Variants in C2orf76 observed in about 807,000 individuals in gnomAD.
C2orf76 encodes the protein chromosome 2 open reading frame 76.
Under a neutral mutation model 16.9 loss-of-function variants are expected in C2orf76, and 23 were observed. The ratio of observed to expected loss-of-function variants is 1.36; its 90% CI spans 0.98 to 1.93. The LOEUF (loss-of-function observed/expected upper bound fraction) is 1.93. C2orf76 is among the 30% of genes most tolerant of loss of function. C2orf76 has a pLI of 0.00. For missense variants in C2orf76, 152 were observed against 152.6 expected (o/e 1.00, Z 0.02); for synonymous variants, 48 against 52.3 (o/e 0.92, Z 0.35).
chr2:119,344,328 G>C (rs1680132782), intron 1 of C2orf76, among the ~76,000 whole-genome samples: 2 of 152,138 alleles, frequency 1.3e-5, no homozygotes, highest in Admixed American at 1.3e-4. Flanking sequence ...TTCCCAGAAA[G>C]TTTGGCCTAG....
intron 1 of C2orf76, among the ~76,000 whole-genome samples, chr2:119,357,581 T>A (rs1680609517): frequency 7.0e-6 from 1 of 142,866 alleles, no homozygotes; most frequent in Non-Finnish European, 1.5e-5. Context: ...ATAAAGAGCA[T>A]CTACAAAAAA....
At chr2:119,284,338 G>A in the C2orf76 span, among the ~76,000 whole-genome samples, 1 of 152,166 alleles carries the variant, frequency 6.6e-6, no homozygotes, top group Non-Finnish European at 1.5e-5. Flanking sequence ...AAAGGCATAA[G>A]TAGGCTAATT....
In C2orf76 at chr2:119,366,823, G is replaced by T. The variant is rs369656955; in HGVS notation, c.-46C>A. The T allele has an allele frequency of 4.2e-4, 250 of 594,234 alleles. No homozygotes were observed. The highest frequency in any genetic ancestry group is 3.3e-3 in the African/African-American group (173 of 52,562). 36.8% of individuals were successfully genotyped at this position (594,234 alleles called of 1,614,324 possible). A position where few individuals can be genotyped will look rare whatever the true frequency, so the allele number is the denominator to read the frequency against. The stretch of plus-strand genomic sequence containing the variant: ...GGCGTCCCCTTCGGCTACTCCCGGC[G>T]TTTGCGCAAGCGGTCCCACGTGGGC... On this transcript the variant is annotated 5_prime_UTR_variant, in exon 1 of 6. Transcript: ENST00000334816.
At chr2:119,348,808 G>A (rs186728899) in intron 1 of C2orf76, among the ~76,000 whole-genome samples, 10 of 152,242 alleles carry the variant, frequency 6.6e-5, no homozygotes, top group Non-Finnish European at 1.0e-4. Flanking sequence ...ACCAGCCTGG[G>A]CAACATGGTG....
chr2:119,316,694 T>A (rs990224947), intron 4 of C2orf76, among the ~76,000 whole-genome samples: 9 of 152,176 alleles, frequency 5.9e-5, no homozygotes, highest in Admixed American at 4.6e-4. Flanking sequence ...AAAACTCCTA[T>A]GAGCCAGGCA....
intron 5 of C2orf76, among the ~76,000 whole-genome samples, chr2:119,309,615 T>C (rs1678917779): frequency 6.6e-6 from 1 of 152,032 alleles, no homozygotes; most frequent in Non-Finnish European, 1.5e-5. Context: ...AGATGGGATT[T>C]CACCATATTG....
chr2:119,326,965 T>C (rs1679527216), intron 2 of C2orf76, among the ~76,000 whole-genome samples: 1 of 152,252 alleles, frequency 6.6e-6, no homozygotes. Flanking sequence ...ATAGATTTCA[T>C]AGGATTTTCT....
At chr2:119,351,347 G>T (rs1680397252) in intron 1 of C2orf76, among the ~76,000 whole-genome samples, 1 of 151,996 alleles carries the variant, frequency 6.6e-6, no homozygotes, top group South Asian at 2.1e-4. Flanking sequence ...CTATGCTTGG[G>T]GGACATTTTA....
chr2:119,367,099 G>C (rs754949295), upstream of C2orf76: 2 of 1,612,714 alleles, frequency 1.2e-6, no homozygotes, highest in East Asian at 4.5e-5. Flanking sequence ...AGGTGCAGCG[G>C]GCGGGAGGCC....
chr2:119,333,438 A>G (rs969490466), intron 2 of C2orf76, among the ~76,000 whole-genome samples: 13 of 152,256 alleles, frequency 8.5e-5, no homozygotes, highest in African/African-American at 3.1e-4. Flanking sequence ...AACATCAGGA[A>G]AATCTGGTGG....
intron 1 of C2orf76, among the ~76,000 whole-genome samples, chr2:119,351,864 G>T (rs867219928): frequency 9.2e-5 from 14 of 152,202 alleles, no homozygotes; most frequent in African/African-American, 2.2e-4. Flanking sequence ...GACCAAGAAA[G>T]TGCCATGAAT....
chr2:119,367,078 C>T, upstream of C2orf76: 7 of 1,613,798 alleles, frequency 4.3e-6, no homozygotes, highest in Middle Eastern at 1.7e-4. Flanking sequence ...GCGTGCACAG[C>T]CAGGCTGCGA....
chr2:119,287,059 G>C, the C2orf76 span, among the ~76,000 whole-genome samples: 2 of 152,212 alleles, frequency 1.3e-5, no homozygotes, highest in African/African-American at 4.8e-5. Flanking sequence ...GGGAAACCTC[G>C]GGCAGGTCAC....
chr2:119,336,961 AGAGTAC>A (rs1419059737), intron 2 of C2orf76, among the ~76,000 whole-genome samples: 1 of 152,208 alleles, frequency 6.6e-6, no homozygotes. Context: ...GTGTTTAGTA[AGAGTAC>A]ATGTTTGACA....
chr2:119,365,824 G>A (rs1474898308), intron 1 of C2orf76, among the ~76,000 whole-genome samples: 4 of 152,124 alleles, frequency 2.6e-5, no homozygotes, highest in African/African-American at 9.7e-5. Flanking sequence ...TCGCAAAGAC[G>A]TTCCCCTCCG....
chr2:119,349,703 G>C (rs968144252), intron 1 of C2orf76, among the ~76,000 whole-genome samples: 2 of 152,128 alleles, frequency 1.3e-5, no homozygotes, highest in African/African-American at 4.8e-5. Context: ...CCAGCTCAGG[G>C]GGCTATCTTC....
At position 119,324,150 on chromosome 2, in the gene C2orf76, G is replaced by A. The variant is rs150564581; in HGVS notation, c.134-2946C>T. 4.0e-3 allele frequency among the ~76,000 whole-genome samples: 604 copies of A among 152,280 alleles called. 4 individuals carry two copies. The highest frequency in any genetic ancestry group is 0.014 in the African/African-American group (572 of 41,552). On this transcript the variant is annotated intron_variant, in intron 2 of 5. Coordinates refer to ENST00000334816, the MANE Select transcript of C2orf76 (RefSeq NM_001322331.2). ...GAAACTCCCTGAAGAAAGCCGTGAG[G>A]TGAAGAACAGATGGCCCCATGAAGC...
intron 3 of C2orf76, among the ~76,000 whole-genome samples, chr2:119,318,961 G>A (rs909176048): frequency 2.0e-5 from 3 of 151,730 alleles, no homozygotes; most frequent in African/African-American, 4.9e-5. Context: ...AGCTTAAAAT[G>A]TGTGTAAGAA....
intron 3 of C2orf76, among the ~76,000 whole-genome samples, chr2:119,317,715 G>A (rs555798306): frequency 6.3e-5 from 9 of 141,806 alleles, no homozygotes; most frequent in Non-Finnish European, 1.2e-4. Flanking sequence ...TTAAAGCCTT[G>A]GTCTTTGACA....
Sources: gnomAD v4.1 joint callset for allele counts (sites outside exome capture counted in the v4.1 genomes callset) on GRCh38, gnomAD v4.1.1 for gene constraint, MANE v1.5 for transcripts, NCBI Gene and HGNC (gene_info 2026-07-23, HGNC 2026-07-21) for gene names.